Variants in USP44 observed in about 807,000 individuals in gnomAD.
USP44 encodes ubiquitin specific peptidase 44, also known as ubiquitin carboxyl-terminal hydrolase 44.
USP44 carries 61 observed loss-of-function variants against 69.0 expected under a neutral mutation model. The observed-to-expected ratio is 0.88, with a 90% confidence interval of 0.72 to 1.09. The LOEUF is 1.09. Among genes scored for constraint, USP44 ranks in the 50% least tolerant of loss-of-function variants. The pLI is 0.00. For synonymous variants in USP44, 297 were observed against 295.4 expected, an observed-to-expected ratio of 1.01 and a Z score of -0.06; for missense variants, 753 against 849.9, an observed-to-expected ratio of 0.89 and a Z score of 1.42.
intron 2 of USP44, among the ~76,000 whole-genome samples, chr12:95,529,527 G>A (rs930364212): frequency 1.3e-5 from 2 of 151,796 alleles, no homozygotes; most frequent in Non-Finnish European, 2.9e-5. Context: ...AGGTTCCAGC[G>A]ATTCTCCTGC....
Position 95,533,053 on chromosome 12 carries a change from G to A in USP44, c.1204C>T (p.Pro402Ser), listed in dbSNP as rs369076799. ...MWSGKWALVS[P>S]FAMLHSVWRL... The stretch of plus-strand genomic sequence containing the variant: ...CACACTGAGTGTAGCATAGCAAATG[G>A]TGAGACCAACGCCCACTTTCCAGAC... The change falls in exon 2 of 6, where the codon CCA (proline) becomes TCA (serine). Residue 402 changes from proline (P) to serine (S), a missense_variant. Physicochemically the swap from Pro to Ser is moderately conservative, Grantham distance 74 (BLOSUM62 -1). Coordinates refer to ENST00000258499, the MANE Select transcript of USP44 (RefSeq NM_032147.5). 4 of 1,614,078 alleles carry A rather than the reference G, an allele frequency of 2.5e-6. No homozygotes were observed. The African/African-American group carries it at 5.3e-5, about 22-fold the overall frequency.
rs553417979 is a variant in USP44, at chr12:95,517,121, A to C, written c.*1033T>G. ...GTTTTTTTTTTTTTTTTTAATGCTC[A>C]GGGCCAGTGTTTTAAGAGGCTCCTA... On this transcript the variant is annotated 3_prime_UTR_variant, in exon 6 of 6. Transcript: ENST00000258499. The C allele has an allele frequency of 6.9e-6, 1 of 145,826 alleles. No homozygotes were observed. Among genetic ancestry groups the C allele is most frequent in the Non-Finnish European group, 1.5e-5 (1 of 67,074 alleles). The allele number at this position is 145,826 out of a possible 1,614,324, so 9.0% of individuals were successfully genotyped here. A position where few individuals can be genotyped will look rare whatever the true frequency, so the allele number is the denominator to read the frequency against.
intron 4 of USP44, 51 bp from the exon 5 acceptor site, chr12:95,521,253 A>G (rs1184195592): frequency 1.3e-6 from 2 of 1,557,378 alleles, no homozygotes; most frequent in Admixed American, 3.3e-5. Flanking sequence ...GAAAATAACC[A>G]CGTACTAGGT....
chr12:95,520,500 A>C (rs955903009), intron 5 of USP44, among the ~76,000 whole-genome samples: 1 of 152,152 alleles, frequency 6.6e-6, no homozygotes, highest in African/African-American at 2.4e-5. Flanking sequence ...TCACAAAAAA[A>C]AAAGGTGTTG....
chr12:95,551,148 A>C (rs1455014765), intron 1 of USP44, 124 bp downstream of exon 1: 2 of 151,848 alleles, frequency 1.3e-5, no homozygotes, highest in Non-Finnish European at 1.5e-5. Context: ...CTTCTCCTTA[A>C]ATTTTCCTAT....
At chr12:95,521,923 C>G in intron 4 of USP44, 1 of 558,982 alleles carries the variant, frequency 1.8e-6, no homozygotes, top group Non-Finnish European at 2.3e-6. Flanking sequence ...CCTCAGAACA[C>G]TTCAGAGATT....
intron 3 of USP44, among the ~76,000 whole-genome samples, chr12:95,526,020 G>A (rs566829812): frequency 3.9e-4 from 59 of 152,278 alleles, no homozygotes; most frequent in South Asian, 1.5e-3. Flanking sequence ...CTAGCACATC[G>A]GTCCAAGGGT....
At chr12:95,544,938 T>C (rs1414175945) in intron 1 of USP44, among the ~76,000 whole-genome samples, 1 of 152,150 alleles carries the variant, frequency 6.6e-6, no homozygotes, top group Non-Finnish European at 1.5e-5. Flanking sequence ...TTATAAATAT[T>C]AAGATTGTTT....
chr12:95,542,562 A>C (rs1186869100), intron 1 of USP44, among the ~76,000 whole-genome samples: 1 of 151,144 alleles, frequency 6.6e-6, no homozygotes, highest in African/African-American at 2.4e-5. Flanking sequence ...GGAGTTCAAG[A>C]CCATCCTGGC....
chr12:95,545,615 A>G (rs1278871148), intron 1 of USP44, among the ~76,000 whole-genome samples: 1 of 152,192 alleles, frequency 6.6e-6, no homozygotes, highest in African/African-American at 2.4e-5. Context: ...TTTTCCATTT[A>G]CTTCACGGAA....
chr12:95,535,280 T>C (rs1015019231), intron 1 of USP44: 2 of 152,216 alleles, frequency 1.3e-5, no homozygotes, highest in Non-Finnish European at 1.5e-5. Context: ...GTAGTTTTAA[T>C]TGTATCTATA....
intron 4 of USP44, 96 bp downstream of exon 4, chr12:95,524,584 T>G (rs2076773139): frequency 2.2e-6 from 2 of 901,988 alleles, no homozygotes; most frequent in Non-Finnish European, 3.3e-6. Context: ...GAAAGGTGAT[T>G]AAAGTAAGGG....
rs61446138 is a variant in USP44, at chr12:95,540,342, CT to C, written c.-70-6017del. On this transcript the variant is annotated intron_variant, in intron 1 of 5. Coordinates refer to ENST00000258499, the MANE Select transcript of USP44 (RefSeq NM_032147.5). ...TTCTTTACTCCTCCCTTCCATCCAT[CT>C]TTTTTTTTTTTTTTTTTGAGTGAAG... Among the ~76,000 whole-genome samples, 1,276 of 130,054 alleles carry C rather than the reference CT, an allele frequency of 9.8e-3. 5 individuals are homozygous for C. Among genetic ancestry groups the C allele is most frequent in the Middle Eastern group, 0.033 (8 of 240 alleles). 85.3% of individuals were successfully genotyped at this position (130,054 alleles called of 152,430 possible).
At position 95,518,052 on chromosome 12, in the gene USP44, G is replaced by A; in HGVS notation, c.*102C>T. The A allele has an allele frequency of 1.6e-6, 2 of 1,256,826 alleles. No homozygotes were observed. The highest frequency in any genetic ancestry group is 2.2e-6 in the Non-Finnish European group (2 of 899,946). 77.9% of individuals were successfully genotyped at this position (1,256,826 alleles called of 1,614,324 possible). ...GTTAGATATAAAATGTATAAATGTA[G>A]TATACACTGATTCACAAGAAAAAAT... On this transcript the variant is annotated 3_prime_UTR_variant, in exon 6 of 6. Coordinates refer to ENST00000258499, the MANE Select transcript of USP44 (RefSeq NM_032147.5).
chr12:95,526,069 T>G (rs2076823997), intron 3 of USP44, among the ~76,000 whole-genome samples: 1 of 152,200 alleles, frequency 6.6e-6, no homozygotes, highest in African/African-American at 2.4e-5. Context: ...CATATAATTG[T>G]AAACATTTGC....
rs1056327906 is a variant in USP44 at position 95,548,397 on chromosome 12, G to C, written c.-71+2875C>G. On this transcript the variant is annotated intron_variant, in intron 1 of 5. Transcript: ENST00000258499. The surrounding 1 kb of genome is among the most constrained non-coding windows in gnomAD (Gnocchi z 4.1). ...CGGGATCAGCGCGAAGCCCCTTCCAGTCCCCGAAGCCCTCGCCCGCGCCCG... is the reference window on the plus strand; with the variant it reads ...CGGGATCAGCGCGAAGCCCCTTCCACTCCCCGAAGCCCTCGCCCGCGCCCG... 1.3e-5 allele frequency: 2 copies of C among 152,806 alleles called. No homozygotes were observed. Among genetic ancestry groups the C allele is most frequent in the African/African-American group, 4.8e-5 (2 of 41,426 alleles). 9.5% of individuals were successfully genotyped at this position (152,806 alleles called of 1,614,324 possible). A position where few individuals can be genotyped will look rare whatever the true frequency, so the allele number is the denominator to read the frequency against.
rs2077719071 is a variant in USP44, at chr12:95,551,389, T to G, written c.-188A>C. 6.6e-6 allele frequency: 1 copy of G among 152,520 alleles called. No homozygotes were observed. The highest frequency in any genetic ancestry group is 2.4e-5 in the African/African-American group (1 of 41,368). 9.4% of individuals were successfully genotyped at this position (152,520 alleles called of 1,614,324 possible). ...AAATGCTGATCTCCTAAGTGAAAAGTCCTGGCGGCTGCCTCCAGTGCCCCC... is the reference window on the plus strand; with the variant it reads ...AAATGCTGATCTCCTAAGTGAAAAGGCCTGGCGGCTGCCTCCAGTGCCCCC... On this transcript the variant is annotated 5_prime_UTR_variant, in exon 1 of 6. Coordinates refer to ENST00000258499, the MANE Select transcript of USP44 (RefSeq NM_032147.5).
rs1419792895 is a variant in USP44, at chr12:95,534,094, C to T, written c.163G>A (p.Glu55Lys). 3 of 1,614,056 alleles carry T rather than the reference C, an allele frequency of 1.9e-6. No individual in the cohort carries two copies. The highest frequency in any genetic ancestry group is 2.5e-6 in the Non-Finnish European group (3 of 1,180,046). The change falls in exon 2 of 6, where the codon GAG (glutamate) becomes AAG (lysine). Residue 55 changes from glutamate to lysine, a missense_variant. Physicochemically the swap from Glu to Lys is moderately conservative, Grantham distance 56 (BLOSUM62 1). Transcript: ENST00000258499. ...SHVACGRYIE[E>K]HALKHFQESS... ...TCTTGAAAGTGCTTGAGTGCATGCTCTTCAATATATCTTCCACAGGCAACA... is the reference window on the plus strand; with the variant it reads ...TCTTGAAAGTGCTTGAGTGCATGCTTTTCAATATATCTTCCACAGGCAACA...
At chr12:95,546,459 G>C (rs2077573802) in intron 1 of USP44, 1 of 152,140 alleles carries the variant, frequency 6.6e-6, no homozygotes, top group African/African-American at 2.4e-5. Context: ...GCCATTATTT[G>C]TAGAATCCTC....
Sources: allele counts gnomAD v4.1 joint callset (sites outside exome capture counted in the v4.1 genomes callset), GRCh38; gene constraint gnomAD v4.1.1; non-coding constraint Gnocchi (gnomAD v3.1); transcripts MANE v1.5; gene names NCBI Gene and HGNC (gene_info 2026-07-23, HGNC 2026-07-21).